INPP4B: variants seen among roughly 807,000 people sequenced by gnomAD.
INPP4B encodes inositol polyphosphate 4-phosphatase type II.
A neutral mutation model predicts 122.5 loss-of-function variants in INPP4B; 55 were observed. That is an observed-to-expected ratio of 0.45 (90% CI 0.36 to 0.56). The LOEUF (loss-of-function observed/expected upper bound fraction) is 0.56, where lower values mean the gene tolerates loss of function less well. INPP4B is among the 20% of genes least tolerant of loss of function. INPP4B has a pLI of 0.00. For synonymous variants in INPP4B, 403 were observed against 388.7 expected, an observed-to-expected ratio of 1.04 and a Z score of -0.43; for missense variants, 1,000 against 1,097.7, an observed-to-expected ratio of 0.91 and a Z score of 1.26.
chr4:142,477,306 A>G (rs1274128060), intron 2 of INPP4B, among the ~76,000 whole-genome samples: 9 of 152,138 alleles, frequency 5.9e-5, no homozygotes, highest in Admixed American at 5.2e-4. Flanking sequence ...CAGTGTTAAG[A>G]GGGAATTTGA....
intron 11 of INPP4B, among the ~76,000 whole-genome samples, chr4:142,259,439 G>A (rs975203648): frequency 5.3e-5 from 8 of 151,468 alleles, no homozygotes; most frequent in African/African-American, 7.3e-5. Context: ...AGAAGGGCGC[G>A]TGGGTAAGTG....
chr4:142,065,383 G>T (rs1376138476), intron 25 of INPP4B, among the ~76,000 whole-genome samples: 2 of 152,042 alleles, frequency 1.3e-5, no homozygotes, highest in African/African-American at 4.8e-5. Context: ...AAGCCCACAT[G>T]TACAAATACA....
intron 12 of INPP4B, among the ~76,000 whole-genome samples, chr4:142,218,774 C>T (rs1375615800): frequency 1.3e-5 from 2 of 152,090 alleles, no homozygotes; most frequent in South Asian, 4.1e-4. Flanking sequence ...ATTCATTAAA[C>T]AAAATTAGAC....
At chr4:142,687,139 A>G (rs1759462999) in intron 2 of INPP4B, among the ~76,000 whole-genome samples, 3 of 152,030 alleles carry the variant, frequency 2.0e-5, no homozygotes, top group Admixed American at 2.0e-4. Context: ...TACTAAGAAA[A>G]AGCACCAAAC....
chr4:142,591,742 T>C (rs991211956), intron 2 of INPP4B, among the ~76,000 whole-genome samples: 6 of 152,192 alleles, frequency 3.9e-5, no homozygotes, highest in Non-Finnish European at 5.9e-5. Flanking sequence ...CGATATGATG[T>C]TGATGAGAAT....
chr4:142,136,929 G>A (rs1413301272), intron 18 of INPP4B, among the ~76,000 whole-genome samples: 1 of 152,136 alleles, frequency 6.6e-6, no homozygotes, highest in African/African-American at 2.4e-5. Context: ...TGGGCAGGAA[G>A]AATCAATATC....
chr4:142,042,628 T>C (rs1748759211), intron 25 of INPP4B, among the ~76,000 whole-genome samples: 1 of 152,092 alleles, frequency 6.6e-6, no homozygotes, highest in Non-Finnish European at 1.5e-5. Flanking sequence ...AGTGATGCGA[T>C]CTCAGCTCAC....
intron 2 of INPP4B, among the ~76,000 whole-genome samples, chr4:142,562,079 T>C (rs564142567): frequency 6.6e-6 from 1 of 152,200 alleles, no homozygotes; most frequent in South Asian, 2.1e-4. Flanking sequence ...AGTTCTGACC[T>C]AGGAAGAGGA....
intron 11 of INPP4B, among the ~76,000 whole-genome samples, chr4:142,245,370 C>T (rs1174393732): frequency 6.6e-6 from 1 of 152,100 alleles, no homozygotes; most frequent in Non-Finnish European, 1.5e-5. Flanking sequence ...AGTCTTTAAT[C>T]CATCTTGAGT....
chr4:142,067,857 G>T (rs1246028434), intron 25 of INPP4B, among the ~76,000 whole-genome samples: 2 of 152,190 alleles, frequency 1.3e-5, no homozygotes, highest in Non-Finnish European at 2.9e-5. Flanking sequence ...ATGTCTGATT[G>T]GTGTACCTGA....
intron 1 of INPP4B, chr4:142,765,860 A>G (rs1772043454): frequency 6.6e-6 from 1 of 151,900 alleles, no homozygotes; most frequent in African/African-American, 2.4e-5. Flanking sequence ...TTTTTTAATC[A>G]AATACAGAAC....
chr4:142,063,993 A>AACTGACTACATGAATATC (rs1762281574), intron 25 of INPP4B, among the ~76,000 whole-genome samples: 1 of 152,208 alleles, frequency 6.6e-6, no homozygotes, highest in Admixed American at 6.5e-5. Context: ...GGAAGGTTAT[A>AACTGACTACATGAATATC]ACTGACTACA....
At chr4:142,305,757 C>G (rs751803984) in intron 8 of INPP4B, 71 of 1,366,230 alleles carry the variant, frequency 5.2e-5, no homozygotes, top group Non-Finnish European at 6.6e-5. Flanking sequence ...GAAAAGAGAC[C>G]AACAGGCTAG....
intron 1 of INPP4B, among the ~76,000 whole-genome samples, chr4:142,766,299 A>G (rs1772110449): frequency 6.6e-6 from 1 of 152,238 alleles, no homozygotes; most frequent in Non-Finnish European, 1.5e-5. Context: ...TCTTCTCACT[A>G]ATGTCTATTT....
intron 1 of INPP4B, among the ~76,000 whole-genome samples, chr4:142,824,374 C>G (rs1339190496): frequency 6.6e-6 from 1 of 152,058 alleles, no homozygotes; most frequent in African/African-American, 2.4e-5. Flanking sequence ...CTGGAGAACC[C>G]AGGCCAAAAT....
At chr4:142,232,932 C>G (rs990758184) in intron 12 of INPP4B, among the ~76,000 whole-genome samples, 1 of 152,140 alleles carries the variant, frequency 6.6e-6, no homozygotes, top group Non-Finnish European at 1.5e-5. Context: ...AGTCCTAACT[C>G]TCTTCAATTC....
chr4:142,202,847 A>G (rs1327392150), intron 14 of INPP4B: 6 of 834,812 alleles, frequency 7.2e-6, no homozygotes, highest in Non-Finnish European at 8.7e-6. Flanking sequence ...AACTAAGGGC[A>G]AGCCCATTCA....
chr4:142,588,546 T>C (rs1052658441), intron 2 of INPP4B, among the ~76,000 whole-genome samples: 3 of 150,196 alleles, frequency 2.0e-5, no homozygotes. Context: ...ATGTTAAACA[T>C]TTTATAATTT....
chr4:142,608,908 C>T (rs531209003), intron 2 of INPP4B, among the ~76,000 whole-genome samples: 2 of 152,266 alleles, frequency 1.3e-5, no homozygotes, highest in African/African-American at 4.8e-5. Context: ...CCAATCTCCA[C>T]TCTTGTCATA....
Sources: allele counts gnomAD v4.1 joint callset (sites outside exome capture counted in the v4.1 genomes callset), GRCh38; gene constraint gnomAD v4.1.1; transcripts MANE v1.5; gene names NCBI Gene and HGNC (gene_info 2026-07-23, HGNC 2026-07-21).